The following KTN1 variants were observed in gnomAD, a reference collection of about 807,000 sequenced individuals.
KTN1 encodes kinectin.
KTN1 carries 130 observed loss-of-function variants against 222.5 expected under a neutral mutation model. The observed-to-expected ratio is 0.58, with a 90% confidence interval of 0.51 to 0.68. The LOEUF is 0.68. Among genes scored for constraint, KTN1 ranks in the 30% least tolerant of loss-of-function variants. KTN1 has a pLI of 0.00. For synonymous variants in KTN1, 512 were observed against 496.3 expected (o/e 1.03, Z -0.42); for missense variants, 1,508 against 1,500.4 (o/e 1.01, Z -0.08).
chr14:55,637,504 C>G, intron 11 of KTN1, 140 bp downstream of exon 11: 1 of 713,310 alleles, frequency 1.4e-6, no homozygotes, highest in South Asian at 2.4e-5. Flanking sequence ...CTTTTGAGCA[C>G]TTGTCACAAT....
At chr14:55,640,233 CAG>C in intron 14 of KTN1, 139 bp from the exon 15 acceptor site, 5 of 670,300 alleles carry the variant, frequency 7.5e-6, no homozygotes, top group Non-Finnish European at 2.6e-6. Context: ...TGCTAAATAA[CAG>C]GAATTGGTGG....
chr14:55,673,295 G>T (rs1334439633), intron 40 of KTN1, 40 bp downstream of exon 40: 1 of 1,299,940 alleles, frequency 7.7e-7, no homozygotes, highest in East Asian at 2.3e-5. Flanking sequence ...AGTAGGCACT[G>T]AAAACACTTT....
At chr14:55,641,037 A>G in intron 16 of KTN1, 67 bp downstream of exon 16, 1 of 1,473,974 alleles carries the variant, frequency 6.8e-7, no homozygotes, top group Non-Finnish European at 9.5e-7. Context: ...TGCAGAAAAT[A>G]TTGCTGCTTA....
At chr14:55,623,936 G>C (rs1162318067) in intron 5 of KTN1, among the ~76,000 whole-genome samples, 1 of 152,152 alleles carries the variant, frequency 6.6e-6, no homozygotes, top group Non-Finnish European at 1.5e-5. Flanking sequence ...GTCTGAGACA[G>C]CTTTCAACTC....
At chr14:55,586,772 A>G (rs1359849072) in intron 1 of KTN1, among the ~76,000 whole-genome samples, 2 of 152,182 alleles carry the variant, frequency 1.3e-5, no homozygotes, top group Non-Finnish European at 2.9e-5. Context: ...AGAAAACAGT[A>G]AAAGCTACTT....
intron 1 of KTN1, among the ~76,000 whole-genome samples, chr14:55,603,575 T>G (rs1403775595): frequency 6.6e-6 from 1 of 152,204 alleles, no homozygotes; most frequent in Non-Finnish European, 1.5e-5. Context: ...GAGTTCTTCA[T>G]TTTCCTGTTG....
At chr14:55,663,079 C>T in intron 32 of KTN1, 1 of 422,316 alleles carries the variant, frequency 2.4e-6, no homozygotes, top group South Asian at 1.7e-5. Flanking sequence ...TGTGGTTTCC[C>T]TATCTATAGA....
intron 18 of KTN1, among the ~76,000 whole-genome samples, chr14:55,646,436 C>CTTTTCCTTTTCCTTTTCCTTTTCCT (rs199500080): frequency 1.0e-5 from 1 of 96,876 alleles, no homozygotes; most frequent in African/African-American, 4.3e-5. Flanking sequence ...CCTTCCTTTC[C>CTTTTCCTTTTCCTTTTCCTTTTCCT]TTTCCTTTTC....
At chr14:55,643,543 A>G (rs2042002028) in intron 18 of KTN1, among the ~76,000 whole-genome samples, 1 of 152,180 alleles carries the variant, frequency 6.6e-6, no homozygotes, top group South Asian at 2.1e-4. Flanking sequence ...GAAGTTTTAA[A>G]CTTTAAAATT....
intron 38 of KTN1, 71 bp from the exon 39 acceptor site, chr14:55,672,858 T>G (rs2141333012): frequency 1.6e-6 from 2 of 1,277,086 alleles, no homozygotes; most frequent in Middle Eastern, 1.9e-4. Context: ...AGTGTCATAA[T>G]TTTGTCTTGT....
Position 55,684,029 on chromosome 14 carries a change from A to G in KTN1, c.4070-70A>G, listed in dbSNP as rs942341020. 13 of 1,408,036 alleles carry G rather than the reference A, an allele frequency of 9.2e-6. No homozygotes were observed. In the Admixed American group the frequency reaches 2.4e-4, roughly 26 times the overall value. The allele number at this position is 1,408,036 out of a possible 1,614,324, so 87.2% of individuals were successfully genotyped here. A position where few individuals can be genotyped will look rare whatever the true frequency, so the allele number is the denominator to read the frequency against. ...ATGGAATATGTACTTTTGGTGTTTG[A>G]CAAATGTCTTCTGATTGCCTTCTGT... is the stretch of plus-strand genomic sequence containing the variant. On this transcript the variant is annotated intron_variant, in intron 43 of 43. Transcript: ENST00000395314.
intron 1 of KTN1, among the ~76,000 whole-genome samples, chr14:55,604,824 A>T (rs139357452): frequency 6.2e-4 from 94 of 152,060 alleles, no homozygotes; most frequent in African/African-American, 2.1e-3. Flanking sequence ...CATACAAAGG[A>T]CATGGCAAAG....
chr14:55,648,162 TA>T, intron 20 of KTN1, 47 bp downstream of exon 20: 1 of 926,742 alleles, frequency 1.1e-6, no homozygotes, highest in Non-Finnish European at 1.7e-6. Flanking sequence ...TTCAGTGACA[TA>T]AAAGGATTTC....
At chr14:55,604,810 A>G (rs914627827) in intron 1 of KTN1, among the ~76,000 whole-genome samples, 11 of 151,950 alleles carry the variant, frequency 7.2e-5, no homozygotes, top group African/African-American at 2.4e-4. Flanking sequence ...ATAGGTGGAG[A>G]TTTCATACAA....
intron 1 of KTN1, among the ~76,000 whole-genome samples, chr14:55,607,890 C>A (rs1449653015): frequency 6.6e-6 from 1 of 152,122 alleles, no homozygotes; most frequent in Non-Finnish European, 1.5e-5. Flanking sequence ...TATATAGAGA[C>A]CCCATTTCTT....
At chr14:55,658,711 G>T in intron 30 of KTN1, 97 bp downstream of exon 30, 1 of 713,858 alleles carries the variant, frequency 1.4e-6, no homozygotes, top group Admixed American at 2.5e-5. Context: ...CATTTTCATT[G>T]AGAATGAAGT....
At position 55,612,024 on chromosome 14, in the gene KTN1, A is replaced by G. The variant is rs775130490; in HGVS notation, c.-25A>G. 38 of 1,301,536 alleles carry G rather than the reference A, an allele frequency of 2.9e-5. 1 individual carries two copies. The East Asian group carries it at 1.0e-3, about 35-fold the overall frequency. The allele number at this position is 1,301,536 out of a possible 1,614,324, so 80.6% of individuals were successfully genotyped here. On this transcript the variant is annotated 5_prime_UTR_variant, in exon 2 of 44. Transcript: ENST00000395314. ...CCACCTTCTTCCCTATTTAGGTTTT[A>G]TAGGATCACATTGACAAAAGTACCA...
intron 7 of KTN1, among the ~76,000 whole-genome samples, chr14:55,631,210 CT>C (rs2040467771): frequency 6.6e-6 from 1 of 151,416 alleles, no homozygotes; most frequent in South Asian, 2.1e-4. Flanking sequence ...TAATACCTTC[CT>C]TAATTTAACT....
intron 10 of KTN1, 88 bp from the exon 11 acceptor site, chr14:55,637,110 T>C (rs1234604000): frequency 1.1e-6 from 1 of 934,054 alleles, no homozygotes; most frequent in Non-Finnish European, 1.6e-6. Flanking sequence ...AAGAAGGTTT[T>C]CTAGAGGAGA....
Sources: allele counts gnomAD v4.1 joint callset (sites outside exome capture counted in the v4.1 genomes callset), GRCh38; gene constraint gnomAD v4.1.1; transcripts MANE v1.5; gene names NCBI Gene and HGNC (gene_info 2026-07-23, HGNC 2026-07-21).